Variants in PTPRK observed in about 807,000 individuals in gnomAD.
PTPRK encodes receptor-type tyrosine-protein phosphatase kappa.
A neutral mutation model predicts 178.0 loss-of-function variants in PTPRK; 75 were observed. The ratio of observed to expected loss-of-function variants is 0.42; its 90% CI spans 0.35 to 0.51. The LOEUF (loss-of-function observed/expected upper bound fraction) is 0.51. Among genes scored for constraint, PTPRK ranks in the 20% least tolerant of loss-of-function variants. The probability of loss-of-function intolerance (pLI) is 0.02; values close to 1 mark genes in which losing one functional copy is unlikely to be tolerated. For synonymous variants in PTPRK, 637 were observed against 620.6 expected (o/e 1.03, Z -0.39); for missense variants, 1,441 against 1,797.8 (o/e 0.80, Z 3.59).
chr6:127,993,745 T>TA (rs952793145), intron 18 of PTPRK, among the ~76,000 whole-genome samples: 6 of 151,502 alleles, frequency 4.0e-5, no homozygotes, highest in Admixed American at 2.0e-4. Flanking sequence ...TTCCACTTCT[T>TA]AAAAAAAATA....
intron 1 of PTPRK, among the ~76,000 whole-genome samples, chr6:128,484,134 A>G (rs1407061401): frequency 6.6e-6 from 1 of 152,120 alleles, no homozygotes; most frequent in Non-Finnish European, 1.5e-5. Context: ...ACGTGTATCA[A>G]ATAAAACAAA....
At chr6:128,492,978 C>T (rs1248401862) in intron 1 of PTPRK, among the ~76,000 whole-genome samples, 2 of 152,150 alleles carry the variant, frequency 1.3e-5, no homozygotes, top group African/African-American at 4.8e-5. Flanking sequence ...AATTTTCCCC[C>T]AATCCAGAGT....
chr6:128,322,458 A>G, intron 2 of PTPRK, 148 bp from the exon 3 acceptor site: 1 of 728,964 alleles, frequency 1.4e-6, no homozygotes, highest in Non-Finnish European at 2.2e-6. Flanking sequence ...ACATCAATCA[A>G]ATAAGTAGAT....
chr6:127,973,341 G>C (rs1774159978), intron 28 of PTPRK, among the ~76,000 whole-genome samples, 184 bp from the exon 29 acceptor site: 1 of 152,166 alleles, frequency 6.6e-6, no homozygotes, highest in Non-Finnish European at 1.5e-5. Context: ...TAGATCAGTA[G>C]CTTATACTCA....
intron 1 of PTPRK, among the ~76,000 whole-genome samples, chr6:128,474,786 ATGGGTGT>A (rs1179858711): frequency 6.6e-6 from 1 of 152,140 alleles, no homozygotes; most frequent in Non-Finnish European, 1.5e-5. Context: ...AAGATCATGT[ATGGGTGT>A]TGCGAATGCA....
chr6:128,075,013 G>A (rs563750957), intron 11 of PTPRK, among the ~76,000 whole-genome samples: 2 of 151,966 alleles, frequency 1.3e-5, no homozygotes, highest in South Asian at 2.1e-4. Flanking sequence ...ACAAAACCTT[G>A]AATTCTGAGA....
At chr6:128,317,049 A>G (rs1828102778) in intron 3 of PTPRK, among the ~76,000 whole-genome samples, 1 of 152,202 alleles carries the variant, frequency 6.6e-6, no homozygotes, top group Non-Finnish European at 1.5e-5. Flanking sequence ...TTGCCAGTGT[A>G]AAAATAAGCC....
At chr6:128,160,273 A>T (rs1798519435) in intron 7 of PTPRK, among the ~76,000 whole-genome samples, 1 of 151,782 alleles carries the variant, frequency 6.6e-6, no homozygotes, top group African/African-American at 2.4e-5. Context: ...GGGACAAAAA[A>T]TACTACTCTT....
At chr6:128,294,819 T>C (rs1018032843) in intron 3 of PTPRK, among the ~76,000 whole-genome samples, 2 of 152,116 alleles carry the variant, frequency 1.3e-5, no homozygotes, top group Admixed American at 1.3e-4. Flanking sequence ...TTCTGCTTTA[T>C]CATAAATTCA....
intron 7 of PTPRK, among the ~76,000 whole-genome samples, chr6:128,148,753 A>G (rs1340909524): frequency 6.6e-6 from 1 of 152,156 alleles, no homozygotes; most frequent in Non-Finnish European, 1.5e-5. Context: ...CAAACTTTTA[A>G]AACATTTTAG....
At chr6:127,981,370 G>A (rs1172951994) in intron 24 of PTPRK, 81 bp from the exon 25 acceptor site, 2 of 1,256,206 alleles carry the variant, frequency 1.6e-6, no homozygotes, top group East Asian at 2.5e-5. Flanking sequence ...GAATTTAGAA[G>A]GCCAAGTAGA....
chr6:128,115,543 A>G (rs1027409414), intron 7 of PTPRK, among the ~76,000 whole-genome samples: 5 of 152,146 alleles, frequency 3.3e-5, no homozygotes, highest in Non-Finnish European at 5.9e-5. Flanking sequence ...GGTATATAAT[A>G]AAAGCCATAT....
chr6:128,395,267 T>A (rs1376630939), intron 2 of PTPRK, among the ~76,000 whole-genome samples: 1 of 152,174 alleles, frequency 6.6e-6, no homozygotes, highest in Non-Finnish European at 1.5e-5. Flanking sequence ...TAAACACTGT[T>A]TCATTCGGCA....
intron 1 of PTPRK, among the ~76,000 whole-genome samples, chr6:128,501,768 G>C (rs1057262085): frequency 1.3e-5 from 2 of 152,098 alleles, no homozygotes; most frequent in Non-Finnish European, 2.9e-5. Flanking sequence ...CTAACAAATA[G>C]TAATAACTGC....
At chr6:128,500,166 ATTG>A (rs1379024121) in intron 1 of PTPRK, among the ~76,000 whole-genome samples, 1 of 152,190 alleles carries the variant, frequency 6.6e-6, no homozygotes, top group African/African-American at 2.4e-5. Context: ...ATGCTCATGT[ATTG>A]TTGTCATTAT....
intron 1 of PTPRK, among the ~76,000 whole-genome samples, chr6:128,447,345 TC>T (rs964626319): frequency 6.6e-6 from 1 of 152,190 alleles, no homozygotes; most frequent in African/African-American, 2.4e-5. Context: ...ATAACAAGTC[TC>T]CACCATATGT....
intron 20 of PTPRK, 29 bp downstream of exon 20, chr6:127,991,265 G>T: frequency 6.6e-7 from 1 of 1,518,162 alleles, no homozygotes; most frequent in Non-Finnish European, 9.0e-7. Flanking sequence ...TCATTTTTAT[G>T]ACAAAAAAAT....
At chr6:128,347,732 T>C (rs974986245) in intron 2 of PTPRK, among the ~76,000 whole-genome samples, 1 of 152,098 alleles carries the variant, frequency 6.6e-6, no homozygotes, top group Non-Finnish European at 1.5e-5. Flanking sequence ...AATACATTAA[T>C]ATCCAACCCA....
At chr6:128,438,429 C>T (rs1224079538) in intron 1 of PTPRK, among the ~76,000 whole-genome samples, 1 of 152,206 alleles carries the variant, frequency 6.6e-6, no homozygotes. Context: ...TCTACTCTAT[C>T]ACTGCCAGGG....
Sources: gnomAD v4.1 joint callset for allele counts (sites outside exome capture counted in the v4.1 genomes callset) on GRCh38, gnomAD v4.1.1 for gene constraint, MANE v1.5 for transcripts, NCBI Gene and HGNC (gene_info 2026-07-23, HGNC 2026-07-21) for gene names.